IL16: variants seen among roughly 807,000 people sequenced by gnomAD.
The protein encoded by IL16 is interleukin 16.
In IL16, 67 loss-of-function variants were observed where a neutral mutation model predicts 110.1. The ratio of observed to expected loss-of-function variants is 0.61; its 90% CI spans 0.50 to 0.75. The LOEUF (loss-of-function observed/expected upper bound fraction) is 0.75, where lower values mean the gene tolerates loss of function less well. Among genes scored for constraint, IL16 ranks in the 30% least tolerant of loss-of-function variants. The pLI, the probability that IL16 is intolerant of heterozygous loss-of-function variation, is 0.00. For missense variants in IL16, 1,545 were observed against 1,655.0 expected (o/e 0.93, Z 1.15); for synonymous variants, 689 against 662.9 (o/e 1.04, Z -0.61).
In IL16 at chr15:81,312,991, A is replaced by G. The variant is rs1356703748; in HGVS notation, c.*4193A>G. The G allele has an allele frequency of 1.2e-5, 3 of 254,128 alleles. No homozygotes were observed. The highest frequency in any genetic ancestry group is 2.3e-5 in the Non-Finnish European group (3 of 132,794). The allele number at this position is 254,128 out of a possible 1,614,324, so 15.7% of individuals were successfully genotyped here. On this transcript the variant is annotated 3_prime_UTR_variant, in exon 19 of 19. Coordinates refer to ENST00000683961, the MANE Select transcript of IL16 (RefSeq NM_172217.5). ...GTCAGATGGTTAGAGGCCTGGGTCT[A>G]CCCTGCCAGGAGAGGCGTGTTTGGG...
rs369161393 is a variant in IL16, at chr15:81,216,833, C to G, written c.-101-8466C>G. On this transcript the variant is annotated intron_variant, in intron 1 of 18. Transcript: ENST00000683961. Reference sequence around the variant, plus strand: ...TTACAGCCTTGCAGCCAAGCCTCTTCCAGCCTCCCTCCTCTCCACTGCATA... The same window carrying G: ...TTACAGCCTTGCAGCCAAGCCTCTTGCAGCCTCCCTCCTCTCCACTGCATA... Among the ~76,000 whole-genome samples the G allele has an allele frequency of 5.3e-5, 8 of 152,274 alleles. No individual in the cohort carries two copies. The South Asian group carries it at 1.7e-3, about 32-fold the overall frequency.
intron 9 of IL16, 135 bp from the exon 10 acceptor site, chr15:81,285,563 C>CTA: frequency 1.1e-6 from 1 of 875,258 alleles, no homozygotes; most frequent in Non-Finnish European, 1.7e-6. Context: ...GGTCTGGTGG[C>CTA]TAGTGGGGTC....
intron 2 of IL16, among the ~76,000 whole-genome samples, chr15:81,241,031 TC>T (rs1436948236): frequency 1.3e-5 from 2 of 152,080 alleles, no homozygotes; most frequent in African/African-American, 4.8e-5. Flanking sequence ...AGCCCATTGT[TC>T]CAGCGCCCTC....
chr15:81,313,629 G>A lies in IL16; in HGVS notation c.*4831G>A. On this transcript the variant is annotated 3_prime_UTR_variant, in exon 19 of 19. Transcript: ENST00000683961. ...ATTCCACAGCCTCTCCCGGCCTCCAGGGAGGAAGAAGTCCCTACTCCCAGC... is the reference window on the plus strand; with the variant it reads ...ATTCCACAGCCTCTCCCGGCCTCCAAGGAGGAAGAAGTCCCTACTCCCAGC... 2.9e-6 allele frequency: 1 copy of A among 348,612 alleles called. No homozygotes were observed. 21.6% of individuals were successfully genotyped at this position (348,612 alleles called of 1,614,324 possible). A position where few individuals can be genotyped will look rare whatever the true frequency, so the allele number is the denominator to read the frequency against.
At chr15:81,261,059 C>T (rs371476738) in intron 3 of IL16, among the ~76,000 whole-genome samples, 3 of 152,172 alleles carry the variant, frequency 2.0e-5, no homozygotes, top group East Asian at 3.8e-4. Context: ...ATTTGCTTTA[C>T]AGCAATTTAC....
rs1595985945 is a variant in IL16 at position 81,243,338 on chromosome 15, G to C, written c.313-16434G>C. 3.3e-5 allele frequency among the ~76,000 whole-genome samples: 5 copies of C among 150,200 alleles called. No homozygotes were observed. In the South Asian group the frequency reaches 1.1e-3, roughly 32 times the overall value. On this transcript the variant is annotated intron_variant, in intron 2 of 18. Coordinates refer to ENST00000683961, the MANE Select transcript of IL16 (RefSeq NM_172217.5). ...CCATAGGCATGTGCCACCATGCCTG[G>C]CTAATTTTTATTTTCTTAGTTTTTT...
chr15:81,292,666 A>G lies in IL16; in HGVS notation c.1531A>G (p.Ser511Gly). Reference protein sequence around the residue: ...RRAQKVMIRSSSDSSYMSGSP... With the variant: ...RRAQKVMIRSGSDSSYMSGSP... ...GGCTCAGAAGGTCATGATCCGCTCC[A>G]GCAGTGACAGCAGCTACATGTCTGG... is the stretch of plus-strand genomic sequence containing the variant. Residue 511 changes from serine (S) to glycine (G), a missense_variant, in exon 12 of 19, where the codon AGC (serine) becomes GGC (glycine). By Grantham distance (56) the Ser-to-Gly change is moderately conservative (BLOSUM62 0). This residue lies in a region of IL16 where 1,185 missense variants were observed against 1,238.8 expected (regional missense o/e 0.96). Coordinates refer to ENST00000683961, the MANE Select transcript of IL16 (RefSeq NM_172217.5). The G allele has an allele frequency of 6.2e-7, 1 of 1,614,170 alleles. No homozygotes were observed. Among genetic ancestry groups the G allele is most frequent in the East Asian group, 2.2e-5 (1 of 44,882 alleles).
At chr15:81,262,226 C>T (rs530569589) in intron 3 of IL16, among the ~76,000 whole-genome samples, 15 of 152,166 alleles carry the variant, frequency 9.9e-5, no homozygotes, top group African/African-American at 2.6e-4. Flanking sequence ...TAATATTTGA[C>T]GTCATACTTG....
chr15:81,223,282 A>C (rs1896680267), intron 1 of IL16, among the ~76,000 whole-genome samples: 1 of 152,196 alleles, frequency 6.6e-6, no homozygotes, highest in Admixed American at 6.5e-5. Flanking sequence ...TACAAAGTGC[A>C]GAACATTTTC....
In IL16 at chr15:81,197,159, G is replaced by T; in HGVS notation, c.-102+7G>T. 7.8e-7 allele frequency: 1 copy of T among 1,287,400 alleles called. No individual in the cohort carries two copies. Among genetic ancestry groups the T allele is most frequent in the Non-Finnish European group, 1.0e-6 (1 of 987,672 alleles). The allele number at this position is 1,287,400 out of a possible 1,614,324, so 79.7% of individuals were successfully genotyped here. A position where few individuals can be genotyped will look rare whatever the true frequency, so the allele number is the denominator to read the frequency against. On this transcript the variant is annotated splice_region_variant and intron_variant, in intron 1 of 18. Coordinates refer to ENST00000683961, the MANE Select transcript of IL16 (RefSeq NM_172217.5). Reference sequence around the variant, plus strand: ...GGAGGTAGGTGGGCACCAGGTGAGTGAATGTCTGTCAGGCAGCTGCTCTGT... The same window carrying T: ...GGAGGTAGGTGGGCACCAGGTGAGTTAATGTCTGTCAGGCAGCTGCTCTGT...
At chr15:81,277,361 G>A (rs1898959957) in intron 6 of IL16, among the ~76,000 whole-genome samples, 1 of 152,038 alleles carries the variant, frequency 6.6e-6, no homozygotes, top group African/African-American at 2.4e-5. Context: ...TTCTGCTTGA[G>A]GAAACACAAA....
chr15:81,283,347 C>CAA (rs377495154), intron 9 of IL16, among the ~76,000 whole-genome samples: 23,765 of 144,712 alleles, frequency 0.16, 2,130 homozygotes, highest in Middle Eastern at 0.24. Flanking sequence ...ACAGGTGCCT[C>CAA]AAAAAAAAAA....
At chr15:81,267,107 G>T (rs576969876) in intron 4 of IL16, among the ~76,000 whole-genome samples, 1 of 152,276 alleles carries the variant, frequency 6.6e-6, no homozygotes, top group Admixed American at 6.5e-5. Flanking sequence ...TGCAGCCAGC[G>T]CTGGGTCCCT....
intron 10 of IL16, among the ~76,000 whole-genome samples, chr15:81,288,754 TC>T (rs1460097943): frequency 2.0e-5 from 3 of 152,198 alleles, no homozygotes; most frequent in Non-Finnish European, 2.9e-5. Context: ...CGTAATGTCC[TC>T]AAGGTTCATT....
intron 1 of IL16, among the ~76,000 whole-genome samples, chr15:81,211,248 T>C (rs1355873752): frequency 6.7e-6 from 1 of 150,084 alleles, no homozygotes; most frequent in Non-Finnish European, 1.5e-5. Flanking sequence ...ATTCTTTTTT[T>C]CTTTCTTTTT....
chr15:81,220,815 A>AAAGG (rs199516007), intron 1 of IL16, among the ~76,000 whole-genome samples: 1 of 150,150 alleles, frequency 6.7e-6, no homozygotes, highest in Non-Finnish European at 1.5e-5. Flanking sequence ...AAAAAAATGA[A>AAAGG]AAGGAAGGAA....
intron 3 of IL16, among the ~76,000 whole-genome samples, chr15:81,263,219 A>G (rs1898228004): frequency 6.6e-6 from 1 of 152,160 alleles, no homozygotes. Flanking sequence ...GGTGTTATTC[A>G]TCCCTTTTCC....
intron 1 of IL16, among the ~76,000 whole-genome samples, chr15:81,213,436 G>T (rs184315971): frequency 3.3e-5 from 5 of 152,144 alleles, no homozygotes; most frequent in Non-Finnish European, 5.9e-5. Context: ...AGTCCAGAGT[G>T]TCTTCGTTGG....
intron 12 of IL16, chr15:81,295,311 G>A: frequency 9.1e-7 from 1 of 1,095,304 alleles, no homozygotes; most frequent in Non-Finnish European, 1.1e-6. Context: ...AAAAATTTGT[G>A]TAAAATCAAA....
Sources: gnomAD v4.1 joint callset for allele counts (sites outside exome capture counted in the v4.1 genomes callset) on GRCh38, gnomAD v4.1.1 for gene constraint, gnomAD v4.1.1 regional missense constraint, MANE v1.5 for transcripts, NCBI Gene and HGNC (gene_info 2026-07-23, HGNC 2026-07-21) for gene names.